The following CDRT15 variants were observed in gnomAD, a reference collection of about 807,000 sequenced individuals.
CDRT15 encodes the protein CMT1A duplicated region transcript 15, also known as CMT1A duplicated region transcript 15 protein.
CDRT15 carries 9 observed loss-of-function variants against 14.9 expected under a neutral mutation model. That is an observed-to-expected ratio of 0.60 (90% CI 0.36 to 1.06). CDRT15 has a LOEUF of 1.06. Among genes scored for constraint, CDRT15 ranks in the 50% least tolerant of loss-of-function variants. CDRT15 has a pLI of 0.01. For missense variants in CDRT15, 117 were observed against 235.3 expected (o/e 0.50, Z 3.29); for synonymous variants, 50 against 96.6 (o/e 0.52, Z 2.83).
At position 14,236,836 on chromosome 17, in the gene CDRT15, T is replaced by C; in HGVS notation, c.-3A>G. 1 of 1,606,536 alleles carries C rather than the reference T, an allele frequency of 6.2e-7. No homozygotes were observed. The highest frequency in any genetic ancestry group is 2.2e-5 in the East Asian group (1 of 44,882). On this transcript the variant is annotated 5_prime_UTR_variant, in exon 1 of 3. Coordinates refer to ENST00000420162, the MANE Select transcript of CDRT15 (RefSeq NM_001007530.3). ...GTGGGGAAGCAACACGAGAACATCT[T>C]GCTCTCTTGAGCGACTCCCACCAAG...
chr17:14,236,231 T>A, intron 2 of CDRT15, 51 bp downstream of exon 2: 6 of 1,599,854 alleles, frequency 3.8e-6, no homozygotes, highest in African/African-American at 1.3e-5. Flanking sequence ...CACTTCTCTC[T>A]CCAGCCACGC....
chr17:14,235,991 T>A lies in CDRT15; in HGVS notation c.432A>T (p.Lys144Asn). 2 of 1,611,634 alleles carry A rather than the reference T, an allele frequency of 1.2e-6. No homozygotes were observed. The highest frequency in any genetic ancestry group is 8.5e-7 in the Non-Finnish European group (1 of 1,178,924). Residue 144 changes from lysine to asparagine, a missense_variant, in exon 3 of 3, where the codon AAA (lysine) becomes AAT (asparagine). Around this residue, in one of 3 missense-constraint regions of CDRT15, gnomAD observed 61 missense variants for 138.2 expected, o/e 0.44. Transcript: ENST00000420162. ...CTGGAACTCTTCTTCCCAGCCTTCT[T>A]TTAATGCTCTCCGGCACCTCCTGCA... ...PEITEVPESIKRRLGRRVPAA... is the reference protein window; with the variant it reads ...PEITEVPESINRRLGRRVPAA...
chr17:14,236,505 A>T, intron 1 of CDRT15, 67 bp downstream of exon 1: 3 of 1,554,224 alleles, frequency 1.9e-6, no homozygotes, highest in Non-Finnish European at 1.7e-6. Context: ...GACCTCACTG[A>T]ATTTAAGGGA....
In CDRT15 at chr17:14,236,760, C is replaced by G. The variant is rs371125175; in HGVS notation, c.74G>C (p.Arg25Pro). The change falls in exon 1 of 3, where the codon CGA (arginine) becomes CCA (proline). Residue 25 changes from arginine (R) to proline (P), a missense_variant. Arg to Pro is a moderately radical substitution (Grantham distance 103). Around this residue, in one of 3 missense-constraint regions of CDRT15, gnomAD observed 50 missense variants for 48.8 expected, o/e 1.03. Transcript: ENST00000420162. The stretch of plus-strand genomic sequence containing the variant: ...GTGAGGGATGAGCCTTCTTCGGCAT[C>G]GTCGGAAAAGGCTCTCACTCCCTCC... ...RNGGSESLFR[R>P]CRRRLIPHPR... 6.2e-7 allele frequency: 1 copy of G among 1,612,030 alleles called. No homozygotes were observed. Among genetic ancestry groups the G allele is most frequent in the Non-Finnish European group, 8.5e-7 (1 of 1,179,810 alleles).
intron 2 of CDRT15, 102 bp from the exon 3 acceptor site, chr17:14,236,113 G>T (rs1907376355): frequency 1.3e-6 from 2 of 1,491,194 alleles, no homozygotes; most frequent in African/African-American, 2.7e-5. Context: ...AGGTACAGGA[G>T]GCCAGGCCAA....
rs77030576 is a variant in CDRT15, at chr17:14,236,256, T to G, written c.411+26A>C. 3.9e-4 allele frequency: 624 copies of G among 1,608,990 alleles called. 2 individuals are homozygous for G. The highest frequency in any genetic ancestry group is 4.4e-4 in the Non-Finnish European group (513 of 1,178,254). On this transcript the variant is annotated intron_variant, in intron 2 of 2. Transcript: ENST00000420162. ...TCCAGCCACGCTTTCAGTTCCAGGG[T>G]TAGGGCTAGTGGCTACAGTACGTGC...
Position 14,236,785 on chromosome 17 carries a change from C to T in CDRT15, c.49G>A (p.Gly17Arg), listed in dbSNP as rs759980858. ...PTSRGCCFRN[G>R]GSESLFRRCR... ...CGTCGGAAAAGGCTCTCACTCCCTC[C>T]ATTCCTGAAGCAGCAACCTCTCGAA... is the stretch of plus-strand genomic sequence containing the variant. The change falls in exon 1 of 3, where the codon GGA (glycine) becomes AGA (arginine). Residue 17 changes from glycine (G) to arginine (R), a missense_variant. Physicochemically the swap from Gly to Arg is moderately radical, Grantham distance 125. This residue lies in a region of CDRT15 where 50 missense variants were observed against 48.8 expected (regional missense o/e 1.03). Coordinates refer to ENST00000420162, the MANE Select transcript of CDRT15 (RefSeq NM_001007530.3). 15 of 1,611,156 alleles carry T rather than the reference C, an allele frequency of 9.3e-6. No homozygotes were observed. Among genetic ancestry groups the T allele is most frequent in the Middle Eastern group, 2.2e-4 (1 of 4,524 alleles).
In CDRT15 at chr17:14,236,777, A is replaced by G. The variant is rs1451368488; in HGVS notation, c.57T>C (p.Ser19=). 1.9e-6 allele frequency: 3 copies of G among 1,611,366 alleles called. No homozygotes were observed. Among genetic ancestry groups the G allele is most frequent in the African/African-American group, 1.3e-5 (1 of 74,898 alleles). Residue 19 remains serine, a synonymous_variant, in exon 1 of 3, where the codon AGT becomes AGC. Coordinates refer to ENST00000420162, the MANE Select transcript of CDRT15 (RefSeq NM_001007530.3). The stretch of plus-strand genomic sequence containing the variant: ...TTCGGCATCGTCGGAAAAGGCTCTC[A>G]CTCCCTCCATTCCTGAAGCAGCAAC... ...SRGCCFRNGG[S]ESLFRRCRRR... is the part of the protein sequence containing the mutation.
In CDRT15 at chr17:14,236,760, C is replaced by A. The variant is rs371125175; in HGVS notation, c.74G>T (p.Arg25Leu). The A allele has an allele frequency of 1.9e-6, 3 of 1,611,914 alleles. No individual in the cohort carries two copies. The East Asian group carries it at 6.7e-5, about 36-fold the overall frequency. Reference protein sequence around the residue: ...RNGGSESLFRRCRRRLIPHPR... With the variant: ...RNGGSESLFRLCRRRLIPHPR... ...GTGAGGGATGAGCCTTCTTCGGCATCGTCGGAAAAGGCTCTCACTCCCTCC... is the reference window on the plus strand; with the variant it reads ...GTGAGGGATGAGCCTTCTTCGGCATAGTCGGAAAAGGCTCTCACTCCCTCC... The change falls in exon 1 of 3, where the codon CGA (arginine) becomes CTA (leucine). Residue 25 changes from arginine to leucine, a missense_variant. Physicochemically the swap from Arg to Leu is moderately radical, Grantham distance 102 (BLOSUM62 -2). Transcript: ENST00000420162.
chr17:14,236,118 G>A lies in CDRT15; in HGVS notation c.412-107C>T, dbSNP rs1346773705. 9 of 1,491,484 alleles carry A rather than the reference G, an allele frequency of 6.0e-6. No individual in the cohort carries two copies. The African/African-American group carries it at 6.8e-5, about 11-fold the overall frequency. The allele number at this position is 1,491,484 out of a possible 1,614,324, so 92.4% of individuals were successfully genotyped here. ...CTCTCCAGCGAGGTACAGGAGGCCA[G>A]GCCAAATGCCCTGCTCTCTGCCTGC... On this transcript the variant is annotated intron_variant, in intron 2 of 2. Coordinates refer to ENST00000420162, the MANE Select transcript of CDRT15 (RefSeq NM_001007530.3).
chr17:14,235,983 A>G lies in CDRT15; in HGVS notation c.440T>C (p.Leu147Pro), dbSNP rs11867613. 7,977 of 1,611,124 alleles carry G rather than the reference A, an allele frequency of 5.0e-3. 87 individuals carry two copies. The Admixed American group carries it at 0.056, about 11-fold the overall frequency. Reference protein sequence around the residue: ...TEVPESIKRRLGRRVPAATPA... With the variant: ...TEVPESIKRRPGRRVPAATPA... ...CGTAGCTGCTGGAACTCTTCTTCCC[A>G]GCCTTCTTTTAATGCTCTCCGGCAC... Residue 147 changes from leucine (L) to proline (P), a missense_variant, in exon 3 of 3, where the codon CTG (leucine) becomes CCG (proline). Physicochemically the swap from Leu to Pro is moderately conservative, Grantham distance 98. Coordinates refer to ENST00000420162, the MANE Select transcript of CDRT15 (RefSeq NM_001007530.3).
rs146736632 is a variant in CDRT15 at position 14,236,807 on chromosome 17, C to G, written c.27G>C (p.Ser9=). ...CTCCATTCCTGAAGCAGCAACCTCT[C>G]GAAGTGGGGAAGCAACACGAGAACA... MFSCCFPT[S]RGCCFRNGGS... is the part of the protein sequence containing the mutation. Residue 9 remains serine (S), a synonymous_variant, in exon 1 of 3, where the codon TCG becomes TCC. Coordinates refer to ENST00000420162, the MANE Select transcript of CDRT15 (RefSeq NM_001007530.3). The G allele has an allele frequency of 1.2e-6, 2 of 1,611,288 alleles. No individual in the cohort carries two copies. The highest frequency in any genetic ancestry group is 1.1e-5 in the South Asian group (1 of 90,888).
In CDRT15 at chr17:14,236,799, C is replaced by T. The variant is rs1419913062; in HGVS notation, c.35G>A (p.Cys12Tyr). 3 of 1,611,072 alleles carry T rather than the reference C, an allele frequency of 1.9e-6. No homozygotes were observed. The East Asian group carries it at 6.7e-5, about 36-fold the overall frequency. The change falls in exon 1 of 3, where the codon TGC becomes TAC. Residue 12 changes from cysteine (C) to tyrosine (Y), a missense_variant. Physicochemically the swap from Cys to Tyr is radical, Grantham distance 194. This residue lies in a region of CDRT15 where 50 missense variants were observed against 48.8 expected (regional missense o/e 1.03). Transcript: ENST00000420162. Reference sequence around the variant, plus strand: ...CTCACTCCCTCCATTCCTGAAGCAGCAACCTCTCGAAGTGGGGAAGCAACA... The same window carrying T: ...CTCACTCCCTCCATTCCTGAAGCAGTAACCTCTCGAAGTGGGGAAGCAACA... ...FSCCFPTSRGCCFRNGGSESL... is the reference protein window; with the variant it reads ...FSCCFPTSRGYCFRNGGSESL...
intron 1 of CDRT15, 42 bp from the exon 2 acceptor site, chr17:14,236,472 C>T (rs1907398523): frequency 2.0e-6 from 3 of 1,512,488 alleles, no homozygotes; most frequent in Non-Finnish European, 2.7e-6. Flanking sequence ...TCACTTTCCA[C>T]TGGAATTTCC....
intron 2 of CDRT15, 22 bp downstream of exon 2, chr17:14,236,260 G>A: frequency 2.5e-6 from 4 of 1,610,410 alleles, no homozygotes; most frequent in Middle Eastern, 2.0e-4. Context: ...CCAGGGTTAG[G>A]GCTAGTGGCT....
Position 14,236,030 on chromosome 17 carries a change from G to C in CDRT15, c.412-19C>G, listed in dbSNP as rs150825694. ...GCACCTCCTGCACACAGATAAACCA[G>C]GATCAGGAGAATAAACGGACCTGCA... On this transcript the variant is annotated intron_variant, in intron 2 of 2. Coordinates refer to ENST00000420162, the MANE Select transcript of CDRT15 (RefSeq NM_001007530.3). 1.3e-6 allele frequency: 2 copies of C among 1,544,226 alleles called. No homozygotes were observed. The highest frequency in any genetic ancestry group is 2.3e-5 in the South Asian group (2 of 88,450).
intron 2 of CDRT15, 44 bp from the exon 3 acceptor site, chr17:14,236,055 A>G (rs1432860309): frequency 6.3e-7 from 1 of 1,594,958 alleles, no homozygotes; most frequent in South Asian, 1.1e-5. Context: ...ACGGACCTGC[A>G]GCAGCAGGAC....
rs1387185870 is a variant in CDRT15, at chr17:14,236,859, A to G, written c.-26T>C. 6.3e-7 allele frequency: 1 copy of G among 1,590,566 alleles called. No homozygotes were observed. The highest frequency in any genetic ancestry group is 8.6e-7 in the Non-Finnish European group (1 of 1,169,034). On this transcript the variant is annotated 5_prime_UTR_variant, in exon 1 of 3. Transcript: ENST00000420162. ...CTTGCTCTCTTGAGCGACTCCCACC[A>G]AGTGAGCTGTTTACGGCGCTGACTC... is the stretch of plus-strand genomic sequence containing the variant.
intron 2 of CDRT15, 57 bp from the exon 3 acceptor site, chr17:14,236,068 T>G: frequency 6.3e-7 from 1 of 1,578,932 alleles, no homozygotes; most frequent in South Asian, 1.2e-5. Context: ...AGCAGGACTG[T>G]GGTTCTAGTG....
Sources: gnomAD v4.1 joint callset for allele counts on GRCh38, gnomAD v4.1.1 for gene constraint, gnomAD v4.1.1 regional missense constraint, MANE v1.5 for transcripts, NCBI Gene and HGNC (gene_info 2026-07-23, HGNC 2026-07-21) for gene names.